MICAL3: variants seen among roughly 807,000 people sequenced by gnomAD.
MICAL3 encodes [F-actin]-monooxygenase MICAL3.
Under a neutral mutation model 207.4 loss-of-function variants are expected in MICAL3, and 62 were observed. The observed-to-expected ratio is 0.30, with a 90% CI of 0.24 to 0.37. MICAL3 has a LOEUF of 0.37. Among genes scored for constraint, MICAL3 ranks in the 10% least tolerant of loss-of-function variants. The pLI, the probability that MICAL3 is intolerant of heterozygous loss-of-function variation, is 1.00. For synonymous variants in MICAL3, 1,077 were observed against 1,069.3 expected (o/e 1.01, Z -0.14); for missense variants, 2,368 against 2,635.6 (o/e 0.90, Z 2.22).
intron 21 of MICAL3, 127 bp downstream of exon 21, chr22:17,831,727 G>T (rs1168574277): frequency 7.0e-7 from 1 of 1,423,776 alleles, no homozygotes; most frequent in African/African-American, 1.4e-5. Context: ...TGTCAGGAGG[G>T]GTGGTCCCTG....
intron 1 of MICAL3, among the ~76,000 whole-genome samples, chr22:17,967,095 C>G (rs34427959): frequency 6.6e-6 from 1 of 152,182 alleles, no homozygotes; most frequent in South Asian, 2.1e-4. Context: ...CACCATCCAG[C>G]TAAGCAGTCA....
chr22:17,920,304 A>G (rs185525845), intron 1 of MICAL3, among the ~76,000 whole-genome samples: 1 of 152,234 alleles, frequency 6.6e-6, no homozygotes, highest in East Asian at 1.9e-4. Context: ...TGCCTTCTAC[A>G]ATACCCCACT....
chr22:17,864,239 A>C (rs946202307), intron 19 of MICAL3: 1 of 1,027,840 alleles, frequency 9.7e-7, no homozygotes, highest in African/African-American at 1.7e-5. Context: ...CTCCCAACAC[A>C]AGGAAGTGGT....
At chr22:17,844,446 G>A (rs545661818) in intron 19 of MICAL3, among the ~76,000 whole-genome samples, 5 of 152,336 alleles carry the variant, frequency 3.3e-5, no homozygotes, top group South Asian at 4.1e-4. Flanking sequence ...GTGTTTGAAC[G>A]TCTTTGTGGC....
intron 1 of MICAL3, among the ~76,000 whole-genome samples, chr22:17,983,896 T>C (rs925691518): frequency 2.0e-5 from 3 of 151,990 alleles, no homozygotes; most frequent in Admixed American, 6.5e-5. Flanking sequence ...GGAGACACTT[T>C]CACTAATTTA....
intron 22 of MICAL3, among the ~76,000 whole-genome samples, chr22:17,827,164 C>T (rs1486721474): frequency 6.6e-6 from 1 of 152,170 alleles, no homozygotes; most frequent in Non-Finnish European, 1.5e-5. Context: ...GACCGTCACA[C>T]CTAAAGCCTG....
At chr22:17,895,219 C>A (rs536463509) in intron 10 of MICAL3, 65 bp downstream of exon 10, 2 of 1,552,282 alleles carry the variant, frequency 1.3e-6, no homozygotes, top group Admixed American at 1.8e-5. Context: ...CGCATCTCAA[C>A]AGATCAGAAT....
At chr22:17,943,955 A>T (rs1314556161) in intron 1 of MICAL3, among the ~76,000 whole-genome samples, 1 of 152,194 alleles carries the variant, frequency 6.6e-6, no homozygotes, top group Non-Finnish European at 1.5e-5. Context: ...TTCTATGGAA[A>T]AAAACAGGCA....
intron 1 of MICAL3, among the ~76,000 whole-genome samples, chr22:17,958,696 G>A (rs971078054): frequency 3.2e-5 from 4 of 126,354 alleles, no homozygotes; most frequent in Non-Finnish European, 6.3e-5. Flanking sequence ...TGAGTTGTTG[G>A]GTTTTTTTAT....
chr22:17,895,498 A>G, intron 9 of MICAL3, 88 bp from the exon 10 acceptor site: 1 of 1,466,092 alleles, frequency 6.8e-7, no homozygotes, highest in South Asian at 1.2e-5. Context: ...CAGCGCAGCA[A>G]GTCACCTGAC....
chr22:18,000,808 G>A (rs986252807), intron 1 of MICAL3, among the ~76,000 whole-genome samples: 2 of 152,206 alleles, frequency 1.3e-5, no homozygotes, highest in East Asian at 1.9e-4. Context: ...CTACCTGCCA[G>A]GGTCGCAGGA....
At chr22:17,802,468 C>T (rs2061950537) in intron 29 of MICAL3, among the ~76,000 whole-genome samples, 1 of 152,184 alleles carries the variant, frequency 6.6e-6, no homozygotes, top group South Asian at 2.1e-4. Context: ...AAGCACCGGC[C>T]CTTCTGCAGC....
intron 1 of MICAL3, among the ~76,000 whole-genome samples, chr22:17,919,514 G>A (rs9604805): frequency 0.046 from 6,955 of 152,268 alleles, 233 homozygotes; most frequent in African/African-American, 0.097. Context: ...ATGAACAAAC[G>A]GCTGTGTATA....
chr22:17,875,603 T>A, intron 16 of MICAL3: 1 of 1,198,834 alleles, frequency 8.3e-7, no homozygotes, highest in Non-Finnish European at 1.2e-6. Flanking sequence ...AATGTTAAAT[T>A]AAGTCACACA....
intron 1 of MICAL3, among the ~76,000 whole-genome samples, chr22:17,968,040 T>TC (rs1556492540): frequency 4.8e-5 from 6 of 124,432 alleles, no homozygotes; most frequent in Non-Finnish European, 8.4e-5. Context: ...AGACTCCGTC[T>TC]CAAAAAAAAA....
chr22:17,864,987 C>A lies in MICAL3; in HGVS notation c.2518-1G>T, dbSNP rs1479585161. ...CATCCTGCAGGGGTCCTTTGGCCTC[C>A]TAGGAAAGTTCATGAGAAAAAGAAG... On this transcript the variant is annotated splice_acceptor_variant, in intron 18 of 31. Coordinates refer to ENST00000441493, the MANE Select transcript of MICAL3 (RefSeq NM_015241.3). LOFTEE classifies it high-confidence loss of function. 1 of 1,598,662 alleles carries A rather than the reference C, an allele frequency of 6.3e-7. No homozygotes were observed. The highest frequency in any genetic ancestry group is 2.2e-5 in the East Asian group (1 of 44,460).
At chr22:17,791,541 C>G (rs771163184) in intron 29 of MICAL3, 1 of 561,288 alleles carries the variant, frequency 1.8e-6, no homozygotes, top group Non-Finnish European at 3.2e-6. Flanking sequence ...CAGCAGGGAC[C>G]TTGCCCTCCC....
At chr22:17,876,448 T>C (rs1052095722) in intron 16 of MICAL3, 1 of 152,394 alleles carries the variant, frequency 6.6e-6, no homozygotes, top group African/African-American at 2.4e-5. Flanking sequence ...GGTGGCGACA[T>C]AGACTGGCAG....
At chr22:17,875,413 G>A (rs1171182173) in intron 16 of MICAL3, 21 of 1,365,654 alleles carry the variant, frequency 1.5e-5, no homozygotes, top group Non-Finnish European at 2.1e-5. Flanking sequence ...AGGCTGCGGA[G>A]GGCAGAGTTT....
Sources: gnomAD v4.1 joint callset for allele counts (sites outside exome capture counted in the v4.1 genomes callset) on GRCh38, gnomAD v4.1.1 for gene constraint, MANE v1.5 for transcripts, NCBI Gene and HGNC (gene_info 2026-07-23, HGNC 2026-07-21) for gene names.